Variants in COG5 observed in about 807,000 individuals in gnomAD.
COG5 encodes the protein conserved oligomeric Golgi complex subunit 5.
COG5 carries 86 observed loss-of-function variants against 110.4 expected under a neutral mutation model. The ratio of observed to expected loss-of-function variants is 0.78; its 90% confidence interval spans 0.65 to 0.93. The LOEUF (loss-of-function observed/expected upper bound fraction) is 0.93. COG5 is among the 40% of genes least tolerant of loss of function. COG5 has a pLI of 0.00. For missense variants in COG5, 1,077 were observed against 987.0 expected (o/e 1.09, Z -1.22); for synonymous variants, 360 against 334.6 (o/e 1.08, Z -0.83).
At chr7:107,211,698 T>C (rs1039237344) in intron 19 of COG5, among the ~76,000 whole-genome samples, 2 of 152,232 alleles carry the variant, frequency 1.3e-5, no homozygotes, top group Non-Finnish European at 2.9e-5. Flanking sequence ...AAATATGTCT[T>C]TGTATATACA....
rs142552719 is a variant in COG5 at position 107,465,636 on chromosome 7, C to T, written c.539-53004G>A. ...GGTAGGAGTAACTGAAGAAACACTG[C>T]TGAATATACCTGGCAGAAAGACACC... On this transcript the variant is annotated intron_variant, in intron 6 of 21. Transcript: ENST00000297135. Among the ~76,000 whole-genome samples the T allele has an allele frequency of 5.9e-3, 892 of 152,182 alleles. 5 individuals carry two copies. Among genetic ancestry groups the T allele is most frequent in the Middle Eastern group, 0.024 (7 of 294 alleles).
At chr7:107,228,806 A>C (rs1800555005) in intron 19 of COG5, among the ~76,000 whole-genome samples, 1 of 151,756 alleles carries the variant, frequency 6.6e-6, no homozygotes, top group South Asian at 2.1e-4. Context: ...TGCTAATTAC[A>C]AACAGGCGAG....
intron 6 of COG5, among the ~76,000 whole-genome samples, chr7:107,500,858 C>T (rs2129135988): frequency 6.7e-6 from 1 of 148,960 alleles, no homozygotes; most frequent in South Asian, 2.1e-4. Context: ...AAGATCATGC[C>T]TCCCTGCCCT....
At chr7:107,498,596 A>T (rs1268321821) in intron 6 of COG5, among the ~76,000 whole-genome samples, 1 of 152,164 alleles carries the variant, frequency 6.6e-6, no homozygotes, top group Non-Finnish European at 1.5e-5. Context: ...ATCCGTTAGA[A>T]TGGTTATTAT....
At chr7:107,274,129 G>C (rs756889837) in intron 14 of COG5, among the ~76,000 whole-genome samples, 3 of 151,976 alleles carry the variant, frequency 2.0e-5, no homozygotes, top group Non-Finnish European at 4.4e-5. Flanking sequence ...TCCATCTTTG[G>C]GAATAAAAAT....
intron 7 of COG5, among the ~76,000 whole-genome samples, chr7:107,391,288 G>A (rs1790607230): frequency 6.6e-6 from 1 of 152,168 alleles, no homozygotes; most frequent in Non-Finnish European, 1.5e-5. Flanking sequence ...CATAATATCT[G>A]TGTCAGTGTA....
intron 1 of COG5, among the ~76,000 whole-genome samples, chr7:107,562,534 A>G (rs1163266131): frequency 1.3e-5 from 2 of 152,192 alleles, no homozygotes; most frequent in East Asian, 3.8e-4. Flanking sequence ...CTACAAGATT[A>G]TTTCCTCTAC....
At chr7:107,510,605 G>C (rs1799426143) in intron 6 of COG5, among the ~76,000 whole-genome samples, 1 of 152,162 alleles carries the variant, frequency 6.6e-6, no homozygotes, top group Non-Finnish European at 1.5e-5. Context: ...ATTCTTTTCA[G>C]CACCACACCA....
At chr7:107,468,638 A>G (rs913867520) in intron 6 of COG5, among the ~76,000 whole-genome samples, 3 of 152,200 alleles carry the variant, frequency 2.0e-5, no homozygotes, top group African/African-American at 7.2e-5. Context: ...CTTCTATAGA[A>G]ATGCAACTCA....
At chr7:107,311,480 G>A (rs886928431) in intron 11 of COG5, among the ~76,000 whole-genome samples, 6 of 132,610 alleles carry the variant, frequency 4.5e-5, no homozygotes, top group Non-Finnish European at 6.2e-5. Context: ...TGCAAGCTCC[G>A]CTTCCCGGGT....
At chr7:107,492,997 C>T (rs1798064420) in intron 6 of COG5, among the ~76,000 whole-genome samples, 1 of 152,014 alleles carries the variant, frequency 6.6e-6, no homozygotes, top group South Asian at 2.1e-4. Context: ...AAGTTTAATC[C>T]CCAATGTAAT....
chr7:107,457,899 C>T (rs1795764204), intron 6 of COG5, among the ~76,000 whole-genome samples: 1 of 151,896 alleles, frequency 6.6e-6, no homozygotes, highest in Non-Finnish European at 1.5e-5. Flanking sequence ...ATCAGTGAAC[C>T]CCAAGCAAGG....
chr7:107,294,907 GTGTGTGTGTGTGTGTGTA>G (rs1324708648), intron 12 of COG5, among the ~76,000 whole-genome samples: 4 of 83,776 alleles, frequency 4.8e-5, no homozygotes, highest in Admixed American at 3.9e-4. Flanking sequence ...GTGTGTGTGT[GTGTGTGTGTGTGTGTGTA>G]TATATACACA....
chr7:107,346,523 C>T (rs544939082), intron 10 of COG5, among the ~76,000 whole-genome samples: 11 of 152,056 alleles, frequency 7.2e-5, no homozygotes, highest in African/African-American at 9.6e-5. Context: ...ATGGGTCATA[C>T]GGTGATTTTT....
At chr7:107,468,896 T>C (rs1796461533) in intron 6 of COG5, among the ~76,000 whole-genome samples, 1 of 151,964 alleles carries the variant, frequency 6.6e-6, no homozygotes, top group Non-Finnish European at 1.5e-5. Flanking sequence ...CTGTTTTATC[T>C]ACTTAAGTCT....
In COG5 at chr7:107,236,517, C is replaced by A. The variant is rs745531523; in HGVS notation, c.2024G>T (p.Arg675Leu). The A allele has an allele frequency of 2.5e-6, 4 of 1,614,070 alleles. No homozygotes were observed. Among genetic ancestry groups the A allele is most frequent in the Middle Eastern group, 1.7e-4 (1 of 6,060 alleles). ...AAGAGGTCTTATGAGACTGGCATGG[C>A]GGATAAAAAGTTCAACAGCTCTTTG... is the stretch of plus-strand genomic sequence containing the variant. Reference protein sequence around the residue: ...IAQRAVELFIRHASLIRPLGE... With the variant: ...IAQRAVELFILHASLIRPLGE... The change falls in exon 18 of 22, where the codon CGC becomes CTC. Residue 675 changes from arginine (R) to leucine (L), a missense_variant. Arg to Leu is a moderately radical substitution (Grantham distance 102). Transcript: ENST00000297135.
chr7:107,525,897 T>C (rs985333518), intron 6 of COG5, among the ~76,000 whole-genome samples: 2 of 152,174 alleles, frequency 1.3e-5, no homozygotes, highest in Non-Finnish European at 2.9e-5. Flanking sequence ...AAAGTTCAAC[T>C]TTTTATATGA....
At chr7:107,479,363 A>G (rs144337894) in intron 6 of COG5, among the ~76,000 whole-genome samples, 47 of 152,204 alleles carry the variant, frequency 3.1e-4, no homozygotes, top group Non-Finnish European at 1.8e-4. Flanking sequence ...GGGAATTACA[A>G]GGTGAAAAAA....
At chr7:107,437,218 G>A (rs1794421169) in intron 6 of COG5, among the ~76,000 whole-genome samples, 1 of 152,098 alleles carries the variant, frequency 6.6e-6, no homozygotes. Context: ...ATAACACATT[G>A]TCACATGATT....
Sources: allele counts gnomAD v4.1 joint callset (sites outside exome capture counted in the v4.1 genomes callset), GRCh38; gene constraint gnomAD v4.1.1; transcripts MANE v1.5; gene names NCBI Gene and HGNC (gene_info 2026-07-23, HGNC 2026-07-21).